The following FZD7 variants were observed in gnomAD, a reference collection of about 807,000 sequenced individuals.
FZD7 encodes frizzled-7.
A neutral mutation model predicts 39.0 loss-of-function variants in FZD7; 21 were observed. The ratio of observed to expected loss-of-function variants is 0.54; its 90% CI spans 0.38 to 0.78. FZD7 has a LOEUF of 0.78. Ranked by LOEUF, FZD7 falls within the 30% of genes least tolerant of loss-of-function variation. The pLI, the probability that FZD7 is intolerant of heterozygous loss-of-function variation, is 0.00. For synonymous variants in FZD7, 428 were observed against 364.9 expected (o/e 1.17, Z -1.97); for missense variants, 695 against 805.0 (o/e 0.86, Z 1.65).
Position 202,035,397 on chromosome 2 carries a change from G to C in FZD7, c.750G>C (p.Arg250Ser). The change falls in exon 1 of 1, where the codon AGG becomes AGC. Residue 250 changes from arginine to serine, a missense_variant. By Grantham distance (110) the Arg-to-Ser change is moderately radical (BLOSUM62 -1). Transcript: ENST00000286201. ...TGATGTACTTTAAGGAGGAGGAGAG[G>C]CGCTTCGCCCGCCTCTGGGTGGGCG... ...NGLMYFKEEE[R>S]RFARLWVGVW... 6.2e-7 allele frequency: 1 copy of C among 1,613,574 alleles called. No homozygotes were observed. Among genetic ancestry groups the C allele is most frequent in the Non-Finnish European group, 8.5e-7 (1 of 1,179,976 alleles).
At position 202,037,008 on chromosome 2, in the gene FZD7, A is replaced by C. The variant is rs1261400072; in HGVS notation, c.*636A>C. 6.0e-6 allele frequency: 1 copy of C among 167,102 alleles called. No individual in the cohort carries two copies. Among genetic ancestry groups the C allele is most frequent in the East Asian group, 1.9e-4 (1 of 5,196 alleles). The allele number at this position is 167,102 out of a possible 1,614,324, so 10.4% of individuals were successfully genotyped here. On this transcript the variant is annotated 3_prime_UTR_variant, in exon 1 of 1. Coordinates refer to ENST00000286201, the MANE Select transcript of FZD7 (RefSeq NM_003507.2). ...CAGGTCTTGTAAAATAAGCATTTGG[A>C]AGTCTTGGGAGGCCTGCCTGCTAGA...
Position 202,035,160 on chromosome 2 carries a change from C to T in FZD7, c.513C>T (p.Gly171=). ...VGQNTSDGSG[G]PGGGPTAYPT... is the part of the protein sequence containing the mutation. ...AGAACACGTCGGACGGCTCCGGGGGCCCAGGCGGCGGCCCCACTGCCTACC... is the reference window on the plus strand; with the variant it reads ...AGAACACGTCGGACGGCTCCGGGGGTCCAGGCGGCGGCCCCACTGCCTACC... Residue 171 remains glycine, a synonymous_variant, in exon 1 of 1, where the codon GGC becomes GGT. Coordinates refer to ENST00000286201, the MANE Select transcript of FZD7 (RefSeq NM_003507.2). 1.2e-6 allele frequency: 2 copies of T among 1,602,206 alleles called. No homozygotes were observed. The highest frequency in any genetic ancestry group is 1.7e-6 in the Non-Finnish European group (2 of 1,179,456).
Position 202,036,301 on chromosome 2 carries a change from A to G in FZD7, c.1654A>G (p.Lys552Glu). Residue 552 changes from lysine (K) to glutamate (E), a missense_variant, in exon 1 of 1, where the codon AAG becomes GAG. Transcript: ENST00000286201. ...CACTGGCTTCTGGATCTGGTCGGGC[A>G]AGACCCTGCAGTCGTGGCGCCGCTT... ...ITTGFWIWSG[K>E]TLQSWRRFYH... The G allele has an allele frequency of 6.2e-7, 1 of 1,613,274 alleles. No homozygotes were observed. Among genetic ancestry groups the G allele is most frequent in the Non-Finnish European group, 8.5e-7 (1 of 1,179,980 alleles).
Position 202,035,534 on chromosome 2 carries a change from A to G in FZD7, c.887A>G (p.Tyr296Cys). Residue 296 changes from tyrosine (Y) to cysteine (C), a missense_variant, in exon 1 of 1, where the codon TAC (tyrosine) becomes TGC (cysteine). Coordinates refer to ENST00000286201, the MANE Select transcript of FZD7 (RefSeq NM_003507.2). ...CCCATCATCTTCCTGTCGGGCTGCTACTTCATGGTGGCCGTGGCGCACGTG... is the reference window on the plus strand; with the variant it reads ...CCCATCATCTTCCTGTCGGGCTGCTGCTTCATGGTGGCCGTGGCGCACGTG... ...ERPIIFLSGCYFMVAVAHVAG... is the reference protein window; with the variant it reads ...ERPIIFLSGCCFMVAVAHVAG... 6.2e-7 allele frequency: 1 copy of G among 1,614,094 alleles called. No individual in the cohort carries two copies. The highest frequency in any genetic ancestry group is 8.5e-7 in the Non-Finnish European group (1 of 1,180,006).
rs1688772891 is a variant in FZD7, at chr2:202,037,760, T to C, written c.*1388T>C. On this transcript the variant is annotated 3_prime_UTR_variant, in exon 1 of 1. Coordinates refer to ENST00000286201, the MANE Select transcript of FZD7 (RefSeq NM_003507.2). ...TATGCTGACCCTGTCTCTGTGTGGTTGGGTTGGGAGGCGATCAGCAGATAC... is the reference window on the plus strand; with the variant it reads ...TATGCTGACCCTGTCTCTGTGTGGTCGGGTTGGGAGGCGATCAGCAGATAC... 2 of 167,012 alleles carry C rather than the reference T, an allele frequency of 1.2e-5. No homozygotes were observed. The highest frequency in any genetic ancestry group is 4.1e-4 in the South Asian group (2 of 4,822). The allele number at this position is 167,012 out of a possible 1,614,324, so 10.3% of individuals were successfully genotyped here. A position where few individuals can be genotyped will look rare whatever the true frequency, so the allele number is the denominator to read the frequency against.
At position 202,038,290 on chromosome 2, in the gene FZD7, C is replaced by T. The variant is rs758742802; in HGVS notation, c.*1918C>T. The stretch of plus-strand genomic sequence containing the variant: ...GAAATTTGTAAAATAGAGATAAGTA[C>T]AGTATGTATATTTTGTAAATCTCCC... On this transcript the variant is annotated 3_prime_UTR_variant, in exon 1 of 1. Coordinates refer to ENST00000286201, the MANE Select transcript of FZD7 (RefSeq NM_003507.2). The T allele has an allele frequency of 5.4e-5, 9 of 166,788 alleles. No individual in the cohort carries two copies. Among genetic ancestry groups the T allele is most frequent in the Non-Finnish European group, 1.3e-4 (9 of 68,116 alleles). The allele number at this position is 166,788 out of a possible 1,614,324, so 10.3% of individuals were successfully genotyped here.
Position 202,035,281 on chromosome 2 carries a change from C to T in FZD7, c.634C>T (p.Arg212Cys). 1.9e-6 allele frequency: 3 copies of T among 1,606,636 alleles called. No individual in the cohort carries two copies. In the South Asian group the frequency reaches 3.3e-5, roughly 18 times the overall value. Residue 212 changes from arginine to cysteine, a missense_variant, in exon 1 of 1, where the codon CGT becomes TGT. Transcript: ENST00000286201. ...TCCCGCCTTCCCCTTCTCATGCCCCCGTCAGCTCAAGGTGCCCCCGTACCT... is the reference window on the plus strand; with the variant it reads ...TCCCGCCTTCCCCTTCTCATGCCCCTGTCAGCTCAAGGTGCCCCCGTACCT... ...GRPAFPFSCP[R>C]QLKVPPYLGY...
In FZD7 at chr2:202,035,662, C is replaced by T. The variant is rs748190045; in HGVS notation, c.1015C>T (p.Leu339Phe). ...QGTKKEGCTI[L>F]FMVLYFFGMA... ...CACCAAGAAGGAGGGCTGCACCATC[C>T]TCTTCATGGTGCTCTACTTCTTCGG... Residue 339 changes from leucine to phenylalanine, a missense_variant, in exon 1 of 1, where the codon CTC becomes TTC. Transcript: ENST00000286201. 6.2e-6 allele frequency: 10 copies of T among 1,613,990 alleles called. No homozygotes were observed. In the Admixed American group the frequency reaches 6.7e-5, roughly 11 times the overall value.
chr2:202,034,757 G>A lies in FZD7; in HGVS notation c.110G>A (p.Gly37Glu), dbSNP rs1688708866. ...GGCGCCGGGGCGCAGCCGTACCACG[G>A]AGAGAAGGGCATCTCCGTGCCGGAC... ...SAGAGAQPYH[G>E]EKGISVPDHG... is the part of the protein sequence containing the mutation. Residue 37 changes from glycine to glutamate, a missense_variant, in exon 1 of 1, where the codon GGA becomes GAA. Transcript: ENST00000286201. 4.3e-6 allele frequency: 7 copies of A among 1,612,442 alleles called. No homozygotes were observed. The highest frequency in any genetic ancestry group is 5.9e-6 in the Non-Finnish European group (7 of 1,179,978).
chr2:202,034,748 C>A lies in FZD7; in HGVS notation c.101C>A (p.Pro34Gln). 1.2e-6 allele frequency: 2 copies of A among 1,612,370 alleles called. No individual in the cohort carries two copies. The highest frequency in any genetic ancestry group is 1.7e-6 in the Non-Finnish European group (2 of 1,179,922). The change falls in exon 1 of 1, where the codon CCG becomes CAG. Residue 34 changes from proline (P) to glutamine (Q), a missense_variant. Transcript: ENST00000286201. Reference sequence around the variant, plus strand: ...CTGTCCGCGGGCGCCGGGGCGCAGCCGTACCACGGAGAGAAGGGCATCTCC... The same window carrying A: ...CTGTCCGCGGGCGCCGGGGCGCAGCAGTACCACGGAGAGAAGGGCATCTCC... ...GALSAGAGAQ[P>Q]YHGEKGISVP...
rs1464395733 is a variant in FZD7 at position 202,036,662 on chromosome 2, A to C, written c.*290A>C. ...GTACGGGCCAGCTTGTGCCTAATAG[A>C]AGGTTGAGACCAGCAGAGACTGCTG... On this transcript the variant is annotated 3_prime_UTR_variant, in exon 1 of 1. Transcript: ENST00000286201. The C allele has an allele frequency of 1.4e-5, 6 of 423,782 alleles. No individual in the cohort carries two copies. The highest frequency in any genetic ancestry group is 2.2e-5 in the Non-Finnish European group (5 of 223,316). 26.3% of individuals were successfully genotyped at this position (423,782 alleles called of 1,614,324 possible).
In FZD7 at chr2:202,035,817, C is replaced by G. The variant is rs1299373987; in HGVS notation, c.1170C>G (p.Ala390=). The G allele has an allele frequency of 1.2e-6, 2 of 1,614,046 alleles. No homozygotes were observed. The part of the protein sequence containing the change: ...YFHLAAWAVP[A]VKTITILAMG... The stretch of plus-strand genomic sequence containing the variant: ...ACCTGGCCGCGTGGGCCGTGCCCGC[C>G]GTCAAGACCATCACTATCCTGGCCA... Residue 390 remains alanine (A), a synonymous_variant, in exon 1 of 1, where the codon GCC becomes GCG. Coordinates refer to ENST00000286201, the MANE Select transcript of FZD7 (RefSeq NM_003507.2).
Position 202,036,753 on chromosome 2 carries a change from GCCTGTCCAGAC to G in FZD7, c.*384_*394del. 3.6e-6 allele frequency: 1 copy of G among 275,356 alleles called. No individual in the cohort carries two copies. Among genetic ancestry groups the G allele is most frequent in the Non-Finnish European group, 7.5e-6 (1 of 134,132 alleles). 17.1% of individuals were successfully genotyped at this position (275,356 alleles called of 1,614,324 possible). ...CGATCCCCCTGCTGCAGGGCGAGTG[GCCTGTCCAGAC>G]CCCTGTGAGGCCCCGGGAAAGGTAC... On this transcript the variant is annotated 3_prime_UTR_variant, in exon 1 of 1. Transcript: ENST00000286201.
rs1171905004 is a variant in FZD7, at chr2:202,036,306, C to T, written c.1659C>T (p.Thr553=). 1 of 1,613,048 alleles carries T rather than the reference C, an allele frequency of 6.2e-7. No homozygotes were observed. The highest frequency in any genetic ancestry group is 1.3e-5 in the African/African-American group (1 of 74,904). The change falls in exon 1 of 1, where the codon ACC becomes ACT. Residue 553 remains threonine, a synonymous_variant. Coordinates refer to ENST00000286201, the MANE Select transcript of FZD7 (RefSeq NM_003507.2). ...TTGFWIWSGK[T]LQSWRRFYHR... ...GCTTCTGGATCTGGTCGGGCAAGAC[C>T]CTGCAGTCGTGGCGCCGCTTCTACC...
In FZD7 at chr2:202,036,243, C is replaced by CAAGTAA; in HGVS notation, c.1601_1602insAAAGTA (p.Lys533_Tyr534insTer). 1 of 1,613,630 alleles carries CAAGTAA rather than the reference C, an allele frequency of 6.2e-7. No individual in the cohort carries two copies. Among genetic ancestry groups the CAAGTAA allele is most frequent in the Non-Finnish European group, 8.5e-7 (1 of 1,180,016 alleles). ...GCCCCGACTTCACCGTCTTCATGAT[C>CAAGTAA]AAGTACCTGATGACCATGATCGTCG... On this transcript the variant is annotated stop_gained and inframe_insertion, in exon 1 of 1. Coordinates refer to ENST00000286201, the MANE Select transcript of FZD7 (RefSeq NM_003507.2). LOFTEE classifies it high-confidence loss of function.
chr2:202,034,771 T>A lies in FZD7; in HGVS notation c.124T>A (p.Ser42Thr), dbSNP rs200796298. 6 of 1,612,572 alleles carry A rather than the reference T, an allele frequency of 3.7e-6. No individual in the cohort carries two copies. The highest frequency in any genetic ancestry group is 1.1e-5 in the South Asian group (1 of 91,018). Residue 42 changes from serine to threonine, a missense_variant, in exon 1 of 1, where the codon TCC becomes ACC. Physicochemically the swap from Ser to Thr is moderately conservative, Grantham distance 58. Coordinates refer to ENST00000286201, the MANE Select transcript of FZD7 (RefSeq NM_003507.2). ...AQPYHGEKGI[S>T]VPDHGFCQPI... is the part of the protein sequence containing the mutation. ...GCCGTACCACGGAGAGAAGGGCATC[T>A]CCGTGCCGGACCACGGCTTCTGCCA...
In FZD7 at chr2:202,037,465, G is replaced by A. The variant is rs1214443381; in HGVS notation, c.*1093G>A. ...TAAAGGAAATGTAAGAGGTTTTGTTGTCTGTTTTAAATAAATTTAATTCGG... is the reference window on the plus strand; with the variant it reads ...TAAAGGAAATGTAAGAGGTTTTGTTATCTGTTTTAAATAAATTTAATTCGG... On this transcript the variant is annotated 3_prime_UTR_variant, in exon 1 of 1. Coordinates refer to ENST00000286201, the MANE Select transcript of FZD7 (RefSeq NM_003507.2). 6.0e-6 allele frequency: 1 copy of A among 167,086 alleles called. No homozygotes were observed. The highest frequency in any genetic ancestry group is 2.4e-5 in the African/African-American group (1 of 41,456). The allele number at this position is 167,086 out of a possible 1,614,324, so 10.4% of individuals were successfully genotyped here.
Position 202,038,117 on chromosome 2 carries a change from A to G in FZD7, c.*1745A>G, listed in dbSNP as rs1688777211. On this transcript the variant is annotated 3_prime_UTR_variant, in exon 1 of 1. Coordinates refer to ENST00000286201, the MANE Select transcript of FZD7 (RefSeq NM_003507.2). ...AGTGTACAAGTTACTTTATATATGT[A>G]ATGTTCACTTGAGTGGAACTGCTTT... 6.0e-6 allele frequency: 1 copy of G among 166,426 alleles called. No homozygotes were observed. Among genetic ancestry groups the G allele is most frequent in the Non-Finnish European group, 1.5e-5 (1 of 67,972 alleles). The allele number at this position is 166,426 out of a possible 1,614,324, so 10.3% of individuals were successfully genotyped here. A position where few individuals can be genotyped will look rare whatever the true frequency, so the allele number is the denominator to read the frequency against.
rs1688723685 is a variant in FZD7, at chr2:202,035,485, C to G, written c.838C>G (p.Arg280Gly). The G allele has an allele frequency of 2.5e-6, 4 of 1,614,148 alleles. No individual in the cohort carries two copies. In the East Asian group the frequency reaches 8.9e-5, roughly 36 times the overall value. ...CGTTCTCACCTACCTGGTGGACATGCGGCGCTTCAGCTACCCAGAGCGGCC... is the reference window on the plus strand; with the variant it reads ...CGTTCTCACCTACCTGGTGGACATGGGGCGCTTCAGCTACCCAGAGCGGCC... ...FTVLTYLVDM[R>G]RFSYPERPII... The change falls in exon 1 of 1, where the codon CGG (arginine) becomes GGG (glycine). Residue 280 changes from arginine to glycine, a missense_variant. By Grantham distance (125) the Arg-to-Gly change is moderately radical. Transcript: ENST00000286201.
Sources: gnomAD v4.1 joint callset for allele counts on GRCh38, gnomAD v4.1.1 for gene constraint, MANE v1.5 for transcripts, NCBI Gene and HGNC (gene_info 2026-07-23, HGNC 2026-07-21) for gene names.